LRRTM2: variants seen among roughly 807,000 people sequenced by gnomAD.
LRRTM2 encodes leucine rich repeat transmembrane neuronal 2.
In LRRTM2, 14 loss-of-function variants were observed where a neutral mutation model predicts 40.7. The ratio of observed to expected loss-of-function variants is 0.34; its 90% CI spans 0.23 to 0.54. The LOEUF (loss-of-function observed/expected upper bound fraction) is 0.54, where lower values mean the gene tolerates loss of function less well. Ranked by LOEUF, LRRTM2 falls within the 20% of genes least tolerant of loss-of-function variation. The pLI, the probability that LRRTM2 is intolerant of heterozygous loss-of-function variation, is 0.92. For synonymous variants in LRRTM2, 223 were observed against 237.6 expected, an observed-to-expected ratio of 0.94 and a Z score of 0.57; for missense variants, 468 against 624.4, an observed-to-expected ratio of 0.75 and a Z score of 2.67.
rs1232696205 is a variant in LRRTM2, at chr5:138,873,567, G to A, written c.994C>T (p.Arg332Trp). The A allele has an allele frequency of 1.2e-6, 2 of 1,613,806 alleles. No homozygotes were observed. Among genetic ancestry groups the A allele is most frequent in the Admixed American group, 1.7e-5 (1 of 60,004 alleles). Residue 332 changes from arginine to tryptophan, a missense_variant, in exon 2 of 2, where the codon CGG (arginine) becomes TGG (tryptophan). By Grantham distance (101) the Arg-to-Trp change is moderately radical. Transcript: ENST00000274711. The surrounding 1 kb of genome is among the most constrained non-coding windows in gnomAD (Gnocchi z 6.1). ...TGGCATAGGATGGAGTGTTCCCACC[G>A]ACCTTGGAAACTGCCCAGCCAGGAG... ...LASWLGSFQGRWEHSILCHSP... is the reference protein window; with the variant it reads ...LASWLGSFQGWWEHSILCHSP...
At position 138,871,695 on chromosome 5, in the gene LRRTM2, A is replaced by C. The variant is rs541938854; in HGVS notation, c.*1315T>G. On this transcript the variant is annotated 3_prime_UTR_variant, in exon 2 of 2. Coordinates refer to ENST00000274711, the MANE Select transcript of LRRTM2 (RefSeq NM_015564.3). The stretch of plus-strand genomic sequence containing the variant: ...ATCCCTCACCTCTGTGCTGCCTTCA[A>C]GTTACCACTGTGTGGCTGCATAGGC... 2 of 152,176 alleles carry C rather than the reference A, an allele frequency of 1.3e-5. No individual in the cohort carries two copies. Among genetic ancestry groups the C allele is most frequent in the South Asian group, 2.1e-4 (1 of 4,812 alleles). 9.4% of individuals were successfully genotyped at this position (152,176 alleles called of 1,614,324 possible).
rs750063482 is a variant in LRRTM2 at position 138,874,532 on chromosome 5, C to T, written c.29G>A (p.Gly10Glu). The change falls in exon 2 of 2, where the codon GGG becomes GAG. Residue 10 changes from glycine (G) to glutamate (E), a missense_variant. Transcript: ENST00000274711. The surrounding 1 kb of genome is among the most constrained non-coding windows in gnomAD (Gnocchi z 4.1). ...ATATATTGCTGCCAGCATAGGGGCC[C>T]CTAATGGCCACTTGAAATGTAAGCC... is the stretch of plus-strand genomic sequence containing the variant. MGLHFKWPL[G>E]APMLAAIYAM... is the part of the protein sequence containing the mutation. The T allele has an allele frequency of 2.5e-6, 4 of 1,576,436 alleles. No homozygotes were observed. Among genetic ancestry groups the T allele is most frequent in the South Asian group, 1.2e-5 (1 of 86,782 alleles).
chr5:138,873,175 C>T lies in LRRTM2; in HGVS notation c.1386G>A (p.Gln462=), dbSNP rs982248974. 3 of 1,613,158 alleles carry T rather than the reference C, an allele frequency of 1.9e-6. No homozygotes were observed. The highest frequency in any genetic ancestry group is 2.5e-6 in the Non-Finnish European group (3 of 1,179,696). ...LRRIRQCSMV[Q]NHRQLRSQTR... is the part of the protein sequence containing the mutation. ...TTTGGGATCGGAGCTGCCTGTGGTT[C>T]TGAACCATTGAGCACTGCCTAATTC... The change falls in exon 2 of 2, where the codon CAG becomes CAA. Residue 462 remains glutamine (Q), a synonymous_variant. Transcript: ENST00000274711. This position sits in a 1 kb window ranked among gnomAD's most constrained non-coding sequence, Gnocchi z 6.1.
chr5:138,870,410 T>C lies in LRRTM2; in HGVS notation c.*2600A>G, dbSNP rs1765228823. Reference sequence around the variant, plus strand: ...TGTCATTCACTTTTCTTAAAGGACATTACCCAGAAAAATGGAAGGCAAAAA... The same window carrying C: ...TGTCATTCACTTTTCTTAAAGGACACTACCCAGAAAAATGGAAGGCAAAAA... On this transcript the variant is annotated 3_prime_UTR_variant, in exon 2 of 2. Coordinates refer to ENST00000274711, the MANE Select transcript of LRRTM2 (RefSeq NM_015564.3). The C allele has an allele frequency of 6.6e-6, 1 of 152,232 alleles. No homozygotes were observed. The highest frequency in any genetic ancestry group is 1.5e-5 in the Non-Finnish European group (1 of 68,038). The allele number at this position is 152,232 out of a possible 1,614,324, so 9.4% of individuals were successfully genotyped here. A position where few individuals can be genotyped will look rare whatever the true frequency, so the allele number is the denominator to read the frequency against.
chr5:138,873,672 A>T lies in LRRTM2; in HGVS notation c.889T>A (p.Leu297Ile). The change falls in exon 2 of 2, where the codon TTA (leucine) becomes ATA (isoleucine). Residue 297 changes from leucine to isoleucine, a missense_variant. Transcript: ENST00000274711. The surrounding 1 kb of genome is among the most constrained non-coding windows in gnomAD (Gnocchi z 6.1). ...NKLNSLDSKI[L>I]NSLRSLTTVG... ...GTTGTGAGGGATCTCAGGGAGTTTA[A>T]GATCTTGGAATCAAGGCTGTTTAAC... 6.2e-7 allele frequency: 1 copy of T among 1,614,060 alleles called. No homozygotes were observed. The highest frequency in any genetic ancestry group is 8.5e-7 in the Non-Finnish European group (1 of 1,179,904).
At position 138,875,326 on chromosome 5, in the gene LRRTM2, G is replaced by A; in HGVS notation, c.-415C>T. 1.1e-6 allele frequency: 1 copy of A among 930,266 alleles called. No homozygotes were observed. Among genetic ancestry groups the A allele is most frequent in the Non-Finnish European group, 1.3e-6 (1 of 773,900 alleles). 57.6% of individuals were successfully genotyped at this position (930,266 alleles called of 1,614,324 possible). A position where few individuals can be genotyped will look rare whatever the true frequency, so the allele number is the denominator to read the frequency against. On this transcript the variant is annotated 5_prime_UTR_variant, in exon 1 of 2. Coordinates refer to ENST00000274711, the MANE Select transcript of LRRTM2 (RefSeq NM_015564.3). ...TACTGAAAAGCTTTTCCGAGAAACG[G>A]CACAAGAATGGATTTGCTTATGTGC... is the stretch of plus-strand genomic sequence containing the variant.
rs772489119 is a variant in LRRTM2, at chr5:138,872,968, A to G, written c.*42T>C. On this transcript the variant is annotated 3_prime_UTR_variant, in exon 2 of 2. Coordinates refer to ENST00000274711, the MANE Select transcript of LRRTM2 (RefSeq NM_015564.3). The stretch of plus-strand genomic sequence containing the variant: ...ATGTATTTAGCCTCTACTATGTAAA[A>G]TAGGTTACTTATCTGATGTGATTTT... 2 of 1,420,110 alleles carry G rather than the reference A, an allele frequency of 1.4e-6. No individual in the cohort carries two copies. The highest frequency in any genetic ancestry group is 1.9e-6 in the Non-Finnish European group (2 of 1,037,226). 88.0% of individuals were successfully genotyped at this position (1,420,110 alleles called of 1,614,324 possible).
In LRRTM2 at chr5:138,875,080, A is replaced by T; in HGVS notation, c.-169T>A. On this transcript the variant is annotated 5_prime_UTR_variant, in exon 1 of 2. Coordinates refer to ENST00000274711, the MANE Select transcript of LRRTM2 (RefSeq NM_015564.3). ...CAGGACGAGTTGTTTTTTCCTTAGGATATCCCTCTGGAAAGCATTGGTTTC... is the reference window on the plus strand; with the variant it reads ...CAGGACGAGTTGTTTTTTCCTTAGGTTATCCCTCTGGAAAGCATTGGTTTC... The T allele has an allele frequency of 1.7e-6, 1 of 604,122 alleles. No individual in the cohort carries two copies. Among genetic ancestry groups the T allele is most frequent in the Non-Finnish European group, 2.8e-6 (1 of 351,562 alleles). 37.4% of individuals were successfully genotyped at this position (604,122 alleles called of 1,614,324 possible).
rs1210197531 is a variant in LRRTM2, at chr5:138,872,480, AC to A, written c.*529del. The stretch of plus-strand genomic sequence containing the variant: ...TCTGGAAGGAGAATGTTTAATATTT[AC>A]CAGTCTTCAGCATACATGAAATTCT... On this transcript the variant is annotated 3_prime_UTR_variant, in exon 2 of 2. Coordinates refer to ENST00000274711, the MANE Select transcript of LRRTM2 (RefSeq NM_015564.3). The A allele has an allele frequency of 6.6e-6, 1 of 152,488 alleles. No individual in the cohort carries two copies. Among genetic ancestry groups the A allele is most frequent in the Non-Finnish European group, 1.5e-5 (1 of 68,160 alleles). 9.4% of individuals were successfully genotyped at this position (152,488 alleles called of 1,614,324 possible).
In LRRTM2 at chr5:138,874,019, C is replaced by T; in HGVS notation, c.542G>A (p.Arg181His). The change falls in exon 2 of 2, where the codon CGT (arginine) becomes CAT (histidine). Residue 181 changes from arginine (R) to histidine (H), a missense_variant. Transcript: ENST00000274711. This position sits in a 1 kb window ranked among gnomAD's most constrained non-coding sequence, Gnocchi z 4.1. The part of the protein sequence containing the change: ...TIPVRLFWDC[R>H]SLEFLDLSTN... ...GCTCAAATCCAGAAACTCCAGACTACGACAGTCCCAGAACAGGCGTACTGG... is the reference window on the plus strand; with the variant it reads ...GCTCAAATCCAGAAACTCCAGACTATGACAGTCCCAGAACAGGCGTACTGG... 3 of 1,614,002 alleles carry T rather than the reference C, an allele frequency of 1.9e-6. No homozygotes were observed. Among genetic ancestry groups the T allele is most frequent in the East Asian group, 2.2e-5 (1 of 44,886 alleles).
chr5:138,874,082 T>A lies in LRRTM2; in HGVS notation c.479A>T (p.Gln160Leu), dbSNP rs1750999011. ...PELFYGLRKLQTLHLRSNSLR... is the reference protein window; with the variant it reads ...PELFYGLRKLLTLHLRSNSLR... ...GGAGTTGGAACGTAAATGCAAGGTCTGCAGCTTCCGAAGGCCATAGAAGAG... is the reference window on the plus strand; with the variant it reads ...GGAGTTGGAACGTAAATGCAAGGTCAGCAGCTTCCGAAGGCCATAGAAGAG... The change falls in exon 2 of 2, where the codon CAG (glutamine) becomes CTG (leucine). Residue 160 changes from glutamine to leucine, a missense_variant. Coordinates refer to ENST00000274711, the MANE Select transcript of LRRTM2 (RefSeq NM_015564.3). The surrounding 1 kb of genome is among the most constrained non-coding windows in gnomAD (Gnocchi z 4.1). The A allele has an allele frequency of 1.1e-5, 17 of 1,613,926 alleles. No homozygotes were observed. In the East Asian group the frequency reaches 3.8e-4, roughly 36 times the overall value.
In LRRTM2 at chr5:138,874,460, C is replaced by T; in HGVS notation, c.101G>A (p.Cys34Tyr). ...CTTCTCGCAGCGGCATTTGGGTGGA[C>T]ACGCCATACCCAGGGCAGGCAGCAT... ...LKMLPALGMA[C>Y]PPKCRCEKLL... The change falls in exon 2 of 2, where the codon TGT (cysteine) becomes TAT (tyrosine). Residue 34 changes from cysteine (C) to tyrosine (Y), a missense_variant. Cys to Tyr is a radical substitution (Grantham distance 194, BLOSUM62 -2). Coordinates refer to ENST00000274711, the MANE Select transcript of LRRTM2 (RefSeq NM_015564.3). The surrounding 1 kb of genome is among the most constrained non-coding windows in gnomAD (Gnocchi z 4.1). 2 of 1,613,532 alleles carry T rather than the reference C, an allele frequency of 1.2e-6. No individual in the cohort carries two copies. The highest frequency in any genetic ancestry group is 1.7e-6 in the Non-Finnish European group (2 of 1,179,700).
rs923387301 is a variant in LRRTM2, at chr5:138,871,134, T to C, written c.*1876A>G. The C allele has an allele frequency of 1.3e-5, 2 of 152,214 alleles. No individual in the cohort carries two copies. The highest frequency in any genetic ancestry group is 2.9e-5 in the Non-Finnish European group (2 of 68,038). 9.4% of individuals were successfully genotyped at this position (152,214 alleles called of 1,614,324 possible). On this transcript the variant is annotated 3_prime_UTR_variant, in exon 2 of 2. Transcript: ENST00000274711. The stretch of plus-strand genomic sequence containing the variant: ...TGATTAAATCTTACTGGCTAAACTA[T>C]AGCCTTAACATGTTTTCAGTTTGAT...
chr5:138,871,234 A>T lies in LRRTM2; in HGVS notation c.*1776T>A, dbSNP rs1236959282. On this transcript the variant is annotated 3_prime_UTR_variant, in exon 2 of 2. Transcript: ENST00000274711. ...ATGTTGGGGAAAAGATAACTTGAAA[A>T]ATGGTAGTGGCTTTCTCTAAGGTTT... The T allele has an allele frequency of 6.6e-6, 1 of 152,224 alleles. No individual in the cohort carries two copies. Among genetic ancestry groups the T allele is most frequent in the African/African-American group, 2.4e-5 (1 of 41,452 alleles). The allele number at this position is 152,224 out of a possible 1,614,324, so 9.4% of individuals were successfully genotyped here. A position where few individuals can be genotyped will look rare whatever the true frequency, so the allele number is the denominator to read the frequency against.
In LRRTM2 at chr5:138,872,013, AGAGAGAGC is replaced by A. The variant is rs1014222588; in HGVS notation, c.*989_*996del. On this transcript the variant is annotated 3_prime_UTR_variant, in exon 2 of 2. Coordinates refer to ENST00000274711, the MANE Select transcript of LRRTM2 (RefSeq NM_015564.3). Reference sequence around the variant, plus strand: ...GGCATCTTTGATCATGATAGTTGAGAGAGAGAGCGCGAGAGTGTGTGTGTGTGTGTGTG... The same window carrying A: ...GGCATCTTTGATCATGATAGTTGAGAGCGAGAGTGTGTGTGTGTGTGTGTG... 1.4e-5 allele frequency: 2 copies of A among 146,184 alleles called. No individual in the cohort carries two copies. Among genetic ancestry groups the A allele is most frequent in the Non-Finnish European group, 3.0e-5 (2 of 67,100 alleles). 9.1% of individuals were successfully genotyped at this position (146,184 alleles called of 1,614,324 possible). A position where few individuals can be genotyped will look rare whatever the true frequency, so the allele number is the denominator to read the frequency against.
rs933386347 is a variant in LRRTM2 at position 138,871,541 on chromosome 5, T to A, written c.*1469A>T. On this transcript the variant is annotated 3_prime_UTR_variant, in exon 2 of 2. Transcript: ENST00000274711. ...GCATGTTTATATTTACATTGGAGGATCTACCCCTCTTCCCTTTTCAGCAGC... is the reference window on the plus strand; with the variant it reads ...GCATGTTTATATTTACATTGGAGGAACTACCCCTCTTCCCTTTTCAGCAGC... 6.6e-6 allele frequency: 1 copy of A among 152,262 alleles called. No individual in the cohort carries two copies. Among genetic ancestry groups the A allele is most frequent in the Non-Finnish European group, 1.5e-5 (1 of 68,046 alleles). The allele number at this position is 152,262 out of a possible 1,614,324, so 9.4% of individuals were successfully genotyped here.
rs1581361925 is a variant in LRRTM2, at chr5:138,869,789, A to G, written c.*3221T>C. ...TTCCATTTATTGAATTGATACAGAA[A>G]TTAACTTAGGCACATTAAGAAATTA... On this transcript the variant is annotated 3_prime_UTR_variant, in exon 2 of 2. Transcript: ENST00000274711. 2 of 152,656 alleles carry G rather than the reference A, an allele frequency of 1.3e-5. No homozygotes were observed. Among genetic ancestry groups the G allele is most frequent in the East Asian group, 3.8e-4 (2 of 5,204 alleles). 9.5% of individuals were successfully genotyped at this position (152,656 alleles called of 1,614,324 possible). A position where few individuals can be genotyped will look rare whatever the true frequency, so the allele number is the denominator to read the frequency against.
At position 138,874,152 on chromosome 5, in the gene LRRTM2, T is replaced by C. The variant is rs774597405; in HGVS notation, c.409A>G (p.Asn137Asp). The C allele has an allele frequency of 6.2e-7, 1 of 1,613,754 alleles. No individual in the cohort carries two copies. The highest frequency in any genetic ancestry group is 8.5e-7 in the Non-Finnish European group (1 of 1,179,752). The change falls in exon 2 of 2, where the codon AAT (asparagine) becomes GAT (aspartate). Residue 137 changes from asparagine to aspartate, a missense_variant. By Grantham distance (23) the Asn-to-Asp change is conservative (BLOSUM62 1). Transcript: ENST00000274711. The surrounding 1 kb of genome is among the most constrained non-coding windows in gnomAD (Gnocchi z 4.1). Reference sequence around the variant, plus strand: ...AGCTGATTAAAAGACAGGTCCAAATTTTGCAGGTTAATCAGTTGGGTAAAA... The same window carrying C: ...AGCTGATTAAAAGACAGGTCCAAATCTTGCAGGTTAATCAGTTGGGTAAAA... ...TTFTQLINLQ[N>D]LDLSFNQLSS...
chr5:138,869,644 T>C lies in LRRTM2; in HGVS notation c.*3366A>G, dbSNP rs1581361360. The C allele has an allele frequency of 6.5e-6, 1 of 152,724 alleles. No homozygotes were observed. Among genetic ancestry groups the C allele is most frequent in the East Asian group, 1.9e-4 (1 of 5,190 alleles). The allele number at this position is 152,724 out of a possible 1,614,324, so 9.5% of individuals were successfully genotyped here. On this transcript the variant is annotated 3_prime_UTR_variant, in exon 2 of 2. Transcript: ENST00000274711. ...AAATGCCTGTTTTGAATTTTAGAAT[T>C]CAAACCTAGTGCTACATAGGGCTCA...
Sources: allele counts gnomAD v4.1 joint callset, GRCh38; gene constraint gnomAD v4.1.1; non-coding constraint Gnocchi (gnomAD v3.1); transcripts MANE v1.5; gene names NCBI Gene and HGNC (gene_info 2026-07-23, HGNC 2026-07-21).